ANO2: variants seen among roughly 807,000 people sequenced by gnomAD.
ANO2 encodes anoctamin-2.
A neutral mutation model predicts 124.2 loss-of-function variants in ANO2; 101 were observed. The observed-to-expected ratio is 0.81, with a 90% CI of 0.69 to 0.96. The LOEUF (loss-of-function observed/expected upper bound fraction) is 0.96. Ranked by LOEUF, ANO2 falls within the 40% of genes least tolerant of loss-of-function variation. The probability of loss-of-function intolerance (pLI) is 0.00; values close to 1 mark genes in which losing one functional copy is unlikely to be tolerated. For synonymous variants in ANO2, 486 were observed against 482.5 expected, an observed-to-expected ratio of 1.01 and a Z score of -0.09; for missense variants, 1,293 against 1,274.5, an observed-to-expected ratio of 1.01 and a Z score of -0.22.
Position 5,775,461 on chromosome 12 carries a change from C to CTT in ANO2, c.1055+24044_1055+24045dup, listed in dbSNP as rs369913885. 7.0e-4 allele frequency among the ~76,000 whole-genome samples: 93 copies of CTT among 132,696 alleles called. 2 individuals are homozygous for CTT. The highest frequency in any genetic ancestry group is 1.1e-3 in the African/African-American group (37 of 35,034). 87.1% of individuals were successfully genotyped at this position (132,696 alleles called of 152,430 possible). The stretch of plus-strand genomic sequence containing the variant: ...TGCATCCTCCTGAGCACCATCAATC[C>CTT]TTTTTTTTTTTTTTTTTTGAGATGG... On this transcript the variant is annotated intron_variant, in intron 10 of 24. Transcript: ENST00000682330.
intron 1 of ANO2, among the ~76,000 whole-genome samples, chr12:5,934,145 T>C (rs1942552028): frequency 6.6e-6 from 1 of 152,174 alleles, no homozygotes. Context: ...ATGTATCAAT[T>C]TATGTAATCT....
chr12:5,643,382 T>C (rs1297947213), intron 15 of ANO2, among the ~76,000 whole-genome samples: 1 of 152,242 alleles, frequency 6.6e-6, no homozygotes. Flanking sequence ...AGCTATTAGT[T>C]TGCTCATTTT....
chr12:5,884,262 T>C (rs902734693), intron 3 of ANO2, among the ~76,000 whole-genome samples: 9 of 152,178 alleles, frequency 5.9e-5, no homozygotes, highest in African/African-American at 1.9e-4. Flanking sequence ...AGGATGAAAT[T>C]ACTAGCCTCC....
chr12:5,830,948 C>A (rs1046241861), intron 5 of ANO2, among the ~76,000 whole-genome samples: 4 of 152,012 alleles, frequency 2.6e-5, no homozygotes, highest in African/African-American at 9.7e-5. Context: ...AAATACAAAA[C>A]AAAAAGGGTA....
chr12:5,922,665 T>C lies in ANO2; in HGVS notation c.162A>G (p.Arg54=). The C allele has an allele frequency of 6.5e-7, 1 of 1,544,724 alleles. No homozygotes were observed. Among genetic ancestry groups the C allele is most frequent in the Non-Finnish European group, 8.7e-7 (1 of 1,145,134 alleles). ...CTCCACCGCAGGGCTGGCCAGGATCTCTGTTGGAACCGCCCTGCAGACCTG... is the reference window on the plus strand; with the variant it reads ...CTCCACCGCAGGGCTGGCCAGGATCCCTGTTGGAACCGCCCTGCAGACCTG... ...RAPGLQGGSN[R]DPGQPCGGES... is the part of the protein sequence containing the mutation. Residue 54 remains arginine (R), a synonymous_variant, in exon 2 of 25, where the codon AGA becomes AGG. Coordinates refer to ENST00000682330, the MANE Select transcript of ANO2 (RefSeq NM_001364791.2).
chr12:5,935,750 A>G (rs1207000277), intron 1 of ANO2, among the ~76,000 whole-genome samples: 2 of 152,202 alleles, frequency 1.3e-5, no homozygotes, highest in Non-Finnish European at 2.9e-5. Flanking sequence ...GGGGTTCTCA[A>G]CCTTGGATAT....
intron 1 of ANO2, among the ~76,000 whole-genome samples, chr12:5,927,185 T>C (rs564448589): frequency 6.6e-6 from 1 of 152,220 alleles, no homozygotes; most frequent in Admixed American, 6.5e-5. Context: ...AAGCACTGGC[T>C]GTCTGTCCCC....
At chr12:5,869,989 C>T (rs1955528025) in intron 3 of ANO2, among the ~76,000 whole-genome samples, 1 of 152,182 alleles carries the variant, frequency 6.6e-6, no homozygotes, top group Admixed American at 6.5e-5. Flanking sequence ...GAGCCCTCCC[C>T]ACACCATCAG....
chr12:5,758,107 G>C (rs1319478712), intron 10 of ANO2, among the ~76,000 whole-genome samples: 1 of 152,168 alleles, frequency 6.6e-6, no homozygotes, highest in Non-Finnish European at 1.5e-5. Flanking sequence ...GAAGGGACCT[G>C]ACCCAAGGAC....
At chr12:5,848,677 C>T (rs531170357) in intron 4 of ANO2, among the ~76,000 whole-genome samples, 21 of 152,180 alleles carry the variant, frequency 1.4e-4, no homozygotes, top group Admixed American at 3.3e-4. Flanking sequence ...CCCAAGGACC[C>T]GCGCTCTAGG....
In ANO2 at chr12:5,636,632, A is replaced by ACACT. The variant is rs1274704917; in HGVS notation, c.1621-1286_1621-1285insAGTG. Among the ~76,000 whole-genome samples, 1 of 149,954 alleles carries ACACT rather than the reference A, an allele frequency of 6.7e-6. No homozygotes were observed. The highest frequency in any genetic ancestry group is 2.5e-5 in the African/African-American group (1 of 40,712). ...CACACACACACACACACACACACAC[A>ACACT]CACACACACACACACACGCATGCAC... is the stretch of plus-strand genomic sequence containing the variant. On this transcript the variant is annotated intron_variant, in intron 15 of 24. Coordinates refer to ENST00000682330, the MANE Select transcript of ANO2 (RefSeq NM_001364791.2). The surrounding 1 kb of genome is among the most constrained non-coding windows in gnomAD (Gnocchi z 4.6).
intron 14 of ANO2, among the ~76,000 whole-genome samples, chr12:5,682,315 C>G (rs1408180057): frequency 6.7e-6 from 1 of 149,892 alleles, no homozygotes; most frequent in Non-Finnish European, 1.5e-5. Flanking sequence ...ATTCTCTGAT[C>G]TATCTATCTC....
rs141567598 is a variant in ANO2 at position 5,759,255 on chromosome 12, T to C, written c.1056-8285A>G. 2.5e-3 allele frequency among the ~76,000 whole-genome samples: 384 copies of C among 151,736 alleles called. 2 individuals are homozygous for C. The highest frequency in any genetic ancestry group is 4.8e-3 in the Non-Finnish European group (324 of 67,972). ...AAACCCCACATACTTAGATACGTCATAGTCAAATTTCCGAAAACCAAAGAT... is the reference window on the plus strand; with the variant it reads ...AAACCCCACATACTTAGATACGTCACAGTCAAATTTCCGAAAACCAAAGAT... On this transcript the variant is annotated intron_variant, in intron 10 of 24. Coordinates refer to ENST00000682330, the MANE Select transcript of ANO2 (RefSeq NM_001364791.2).
chr12:5,808,439 G>A lies in ANO2; in HGVS notation c.893-1071C>T, dbSNP rs554562469. On this transcript the variant is annotated intron_variant, in intron 7 of 24. Transcript: ENST00000682330. Reference sequence around the variant, plus strand: ...GAGTCGGGATGGTCTGTCCTAGGTCGCTGGCTTCCAGATGGGAGGGATTAT... The same window carrying A: ...GAGTCGGGATGGTCTGTCCTAGGTCACTGGCTTCCAGATGGGAGGGATTAT... Among the ~76,000 whole-genome samples the A allele has an allele frequency of 1.1e-3, 164 of 152,162 alleles. 2 individuals are homozygous for A. Among genetic ancestry groups the A allele is most frequent in the Non-Finnish European group, 1.2e-3 (81 of 68,010 alleles).
intron 14 of ANO2, among the ~76,000 whole-genome samples, chr12:5,652,172 C>T (rs1946944463): frequency 6.6e-6 from 1 of 152,110 alleles, no homozygotes; most frequent in African/African-American, 2.4e-5. Context: ...TAAGAAACTG[C>T]CAGACAATTT....
At chr12:5,879,276 A>G (rs965636524) in intron 3 of ANO2, among the ~76,000 whole-genome samples, 3 of 152,220 alleles carry the variant, frequency 2.0e-5, no homozygotes, top group Non-Finnish European at 4.4e-5. Flanking sequence ...GACTGTACTC[A>G]AGCCCAAGAA....
At chr12:5,928,450 C>A (rs200638387) in intron 1 of ANO2, among the ~76,000 whole-genome samples, 5 of 56,980 alleles carry the variant, frequency 8.8e-5, no homozygotes, top group African/African-American at 2.1e-4. Flanking sequence ...TTCCTTCCTC[C>A]GTAGTCTACT....
chr12:5,635,629 A>ACACACACACAC lies in ANO2; in HGVS notation c.1621-283_1621-282insGTGTGTGTGTG. Among the ~76,000 whole-genome samples, 1 of 151,502 alleles carries ACACACACACAC rather than the reference A, an allele frequency of 6.6e-6. No homozygotes were observed. Among genetic ancestry groups the ACACACACACAC allele is most frequent in the African/African-American group, 2.4e-5 (1 of 41,262 alleles). ...CACACACACACACACACACACACAC[A>ACACACACACAC]ATAAGGATGAACATGCTGGACCCTG... On this transcript the variant is annotated intron_variant, in intron 15 of 24. Coordinates refer to ENST00000682330, the MANE Select transcript of ANO2 (RefSeq NM_001364791.2). The surrounding 1 kb of genome is among the most constrained non-coding windows in gnomAD (Gnocchi z 5.2).
At chr12:5,646,372 T>C (rs1298505116) in intron 15 of ANO2, among the ~76,000 whole-genome samples, 1 of 152,250 alleles carries the variant, frequency 6.6e-6, no homozygotes, top group Non-Finnish European at 1.5e-5. Flanking sequence ...AAATAAATTT[T>C]AGCAAAATGG....
Sources: gnomAD v4.1 joint callset for allele counts (sites outside exome capture counted in the v4.1 genomes callset) on GRCh38, gnomAD v4.1.1 for gene constraint, Gnocchi (gnomAD v3.1) non-coding constraint, MANE v1.5 for transcripts, NCBI Gene and HGNC (gene_info 2026-07-23, HGNC 2026-07-21) for gene names.